SHISA6: variants seen among roughly 807,000 people sequenced by gnomAD.
The protein encoded by SHISA6 is protein shisa-6.
A neutral mutation model predicts 47.9 loss-of-function variants in SHISA6; 22 were observed. The observed-to-expected ratio is 0.46, with a 90% CI of 0.33 to 0.66. The LOEUF (loss-of-function observed/expected upper bound fraction) is 0.66, where lower values mean the gene tolerates loss of function less well. Among genes scored for constraint, SHISA6 ranks in the 30% least tolerant of loss-of-function variants. The pLI is 0.02. For missense variants in SHISA6, 680 were observed against 764.6 expected (o/e 0.89, Z 1.30); for synonymous variants, 388 against 337.8 (o/e 1.15, Z -1.63).
At chr17:11,517,655 C>T (rs2071596735) in intron 3 of SHISA6, among the ~76,000 whole-genome samples, 1 of 152,042 alleles carries the variant, frequency 6.6e-6, no homozygotes, top group South Asian at 2.1e-4. Flanking sequence ...GCATGTGCCA[C>T]CATGCCCAGC....
intron 2 of SHISA6, among the ~76,000 whole-genome samples, chr17:11,312,038 T>TG (rs1226711444): frequency 6.6e-6 from 1 of 152,212 alleles, no homozygotes; most frequent in Non-Finnish European, 1.5e-5. Flanking sequence ...CCTCCCAAAA[T>TG]GCTGAGATTA....
intron 2 of SHISA6, among the ~76,000 whole-genome samples, chr17:11,360,211 C>T (rs1038301475): frequency 2.0e-5 from 3 of 152,130 alleles, no homozygotes; most frequent in Admixed American, 6.5e-5. Context: ...CAAACTAATA[C>T]GGGAACAGAA....
intron 5 of SHISA6, among the ~76,000 whole-genome samples, chr17:11,556,668 GGTGAAAC>G (rs1295118815): frequency 1.3e-5 from 2 of 152,094 alleles, no homozygotes; most frequent in Non-Finnish European, 2.9e-5. Context: ...CCACCTCCAT[GGTGAAAC>G]GTGGAGTCTC....
chr17:11,449,323 G>C (rs536233685), intron 3 of SHISA6, among the ~76,000 whole-genome samples: 57 of 151,980 alleles, frequency 3.8e-4, no homozygotes, highest in African/African-American at 1.4e-3. Context: ...TGTGCCTGTA[G>C]TCCCAGCTAC....
chr17:11,469,912 A>C (rs940445813), intron 3 of SHISA6, among the ~76,000 whole-genome samples: 5 of 152,208 alleles, frequency 3.3e-5, no homozygotes, highest in African/African-American at 9.6e-5. Context: ...CAGGGCCTTT[A>C]AGCAGGTAGT....
At chr17:11,557,702 T>C (rs2071994641) in intron 5 of SHISA6, 52 bp from the exon 6 acceptor site, 14 of 1,482,568 alleles carry the variant, frequency 9.4e-6, no homozygotes, top group Non-Finnish European at 1.3e-5. Context: ...ATCTGAGTCC[T>C]GGCTGCAGGG....
chr17:11,408,915 C>T (rs1323750152), intron 3 of SHISA6, among the ~76,000 whole-genome samples: 2 of 152,178 alleles, frequency 1.3e-5, no homozygotes, highest in Non-Finnish European at 2.9e-5. Context: ...CACCAAGACA[C>T]TATAAAGACT....
intron 3 of SHISA6, among the ~76,000 whole-genome samples, chr17:11,398,897 G>A (rs1225862141): frequency 2.0e-5 from 3 of 151,666 alleles, no homozygotes; most frequent in African/African-American, 7.3e-5. Context: ...GGTCCCAATA[G>A]TACTTTTGAT....
chr17:11,329,329 G>A (rs1051912878), intron 2 of SHISA6, among the ~76,000 whole-genome samples: 49 of 152,236 alleles, frequency 3.2e-4, no homozygotes, highest in Middle Eastern at 3.4e-3. Context: ...TTCCAACGTC[G>A]TTACATCTCT....
intron 3 of SHISA6, among the ~76,000 whole-genome samples, chr17:11,395,540 G>C (rs368239637): frequency 4.6e-5 from 6 of 129,894 alleles, no homozygotes; most frequent in Admixed American, 3.3e-4. Context: ...TTTTTGAGAC[G>C]GAGTTTTGCT....
At chr17:11,348,147 T>C (rs1307549467) in intron 2 of SHISA6, among the ~76,000 whole-genome samples, 2 of 152,220 alleles carry the variant, frequency 1.3e-5, no homozygotes, top group African/African-American at 4.8e-5. Context: ...AGAGTACATA[T>C]GGTGAAACTG....
intron 3 of SHISA6, among the ~76,000 whole-genome samples, chr17:11,383,112 A>G (rs964797739): frequency 6.6e-6 from 1 of 151,528 alleles, no homozygotes; most frequent in Non-Finnish European, 1.5e-5. Flanking sequence ...TAATTTTTGT[A>G]TTTTTAGTAG....
At chr17:11,393,069 C>G (rs929644806) in intron 3 of SHISA6, among the ~76,000 whole-genome samples, 2 of 152,224 alleles carry the variant, frequency 1.3e-5, no homozygotes, top group African/African-American at 2.4e-5. Flanking sequence ...TCATCTTAGC[C>G]TTTTCTTTAG....
rs1424782349 is a variant in SHISA6 at position 11,555,831 on chromosome 17, C to T, written c.1044C>T (p.Pro348=). 1.3e-6 allele frequency: 2 copies of T among 1,551,824 alleles called. No homozygotes were observed. The highest frequency in any genetic ancestry group is 1.7e-6 in the Non-Finnish European group (2 of 1,146,978). ...SRSFQNLAHL[P]PSYESAVKTN... ...CGTTCCAGAACTTGGCCCACCTGCCCCCATCCTACGAGTCTGCAGTAAAGA... is the reference window on the plus strand; with the variant it reads ...CGTTCCAGAACTTGGCCCACCTGCCTCCATCCTACGAGTCTGCAGTAAAGA... The change falls in exon 5 of 6, where the codon CCC becomes CCT. Residue 348 remains proline, a synonymous_variant. Transcript: ENST00000441885.
chr17:11,477,167 G>T (rs1916071389), intron 3 of SHISA6, among the ~76,000 whole-genome samples: 1 of 151,966 alleles, frequency 6.6e-6, no homozygotes. Flanking sequence ...ATTTAAAGTG[G>T]GTTTCTTATA....
intron 1 of SHISA6, among the ~76,000 whole-genome samples, chr17:11,244,581 A>T (rs1437352416): frequency 2.0e-5 from 3 of 151,938 alleles, no homozygotes; most frequent in Non-Finnish European, 4.4e-5. Context: ...CATTCTGGGG[A>T]GTATTTTTGT....
At chr17:11,376,245 T>C (rs757811017) in intron 2 of SHISA6, among the ~76,000 whole-genome samples, 4 of 152,084 alleles carry the variant, frequency 2.6e-5, no homozygotes, top group Non-Finnish European at 5.9e-5. Context: ...ATTAACTCTA[T>C]GCATCACCAA....
At chr17:11,550,351 G>A (rs1317016257) in intron 3 of SHISA6, among the ~76,000 whole-genome samples, 9 of 152,200 alleles carry the variant, frequency 5.9e-5, no homozygotes, top group East Asian at 1.9e-4. Flanking sequence ...CACTGCGCCC[G>A]GCCCTGTTGT....
At chr17:11,445,404 C>T (rs1915200872) in intron 3 of SHISA6, among the ~76,000 whole-genome samples, 2 of 152,108 alleles carry the variant, frequency 1.3e-5, no homozygotes, top group Admixed American at 1.3e-4. Context: ...AAATTGCATG[C>T]AAACCGTCAC....
Sources: gnomAD v4.1 joint callset for allele counts (sites outside exome capture counted in the v4.1 genomes callset) on GRCh38, gnomAD v4.1.1 for gene constraint, MANE v1.5 for transcripts, NCBI Gene and HGNC (gene_info 2026-07-23, HGNC 2026-07-21) for gene names.